The following NKAIN2 variants were observed in gnomAD, a reference collection of about 807,000 sequenced individuals.
NKAIN2 encodes sodium/potassium transporting ATPase interacting 2.
A neutral mutation model predicts 32.6 loss-of-function variants in NKAIN2; 14 were observed. That is an observed-to-expected ratio of 0.43 (90% CI 0.28 to 0.67). NKAIN2 has a LOEUF of 0.67. Ranked by LOEUF, NKAIN2 falls within the 30% of genes least tolerant of loss-of-function variation. The probability of loss-of-function intolerance (pLI) is 0.17; values close to 1 mark genes in which losing one functional copy is unlikely to be tolerated. For missense variants in NKAIN2, 198 were observed against 258.3 expected, an observed-to-expected ratio of 0.77 and a Z score of 1.60; for synonymous variants, 80 against 87.2, an observed-to-expected ratio of 0.92 and a Z score of 0.46.
rs150606552 is a variant in NKAIN2 at position 124,625,857 on chromosome 6, G to A, written c.274-32329G>A. On this transcript the variant is annotated intron_variant, in intron 3 of 6. Transcript: ENST00000368417. ...ATGCCAGAGTCAAACAGTGTGTTTC[G>A]TTCCAAAGCTTCTACTCTTTCTCCT... Among the ~76,000 whole-genome samples, 46 of 151,418 alleles carry A rather than the reference G, an allele frequency of 3.0e-4. No homozygotes were observed. In the East Asian group the frequency reaches 7.1e-3, roughly 23 times the overall value.
chr6:123,900,549 T>TG, intron 1 of NKAIN2, among the ~76,000 whole-genome samples: 1 of 103,304 alleles, frequency 9.7e-6, no homozygotes, highest in South Asian at 3.3e-4. Context: ...TTTTTTTTTT[T>TG]TTTTTTTTTT....
At chr6:124,461,928 AAAAG>A (rs1270061619) in intron 3 of NKAIN2, among the ~76,000 whole-genome samples, 5 of 151,710 alleles carry the variant, frequency 3.3e-5, no homozygotes, top group African/African-American at 1.2e-4. Context: ...AAAAAAAAAG[AAAAG>A]AAGAATAGTG....
At chr6:123,905,249 TCC>T (rs1330417613) in intron 1 of NKAIN2, among the ~76,000 whole-genome samples, 1 of 151,880 alleles carries the variant, frequency 6.6e-6, no homozygotes, top group Non-Finnish European at 1.5e-5. Flanking sequence ...CAAAACGAAC[TCC>T]CTTGTCCCTC....
intron 3 of NKAIN2, among the ~76,000 whole-genome samples, chr6:124,410,646 G>A (rs1189097389): frequency 6.6e-6 from 1 of 152,176 alleles, no homozygotes; most frequent in African/African-American, 2.4e-5. Flanking sequence ...TACATGTGGT[G>A]TGGTGCTGAA....
At chr6:124,567,672 G>T (rs1424753205) in intron 3 of NKAIN2, among the ~76,000 whole-genome samples, 1 of 152,218 alleles carries the variant, frequency 6.6e-6, no homozygotes, top group Non-Finnish European at 1.5e-5. Flanking sequence ...ATCACTCATG[G>T]TCTGCTGGTT....
intron 1 of NKAIN2, among the ~76,000 whole-genome samples, chr6:123,861,870 G>A (rs6908452): frequency 6.6e-6 from 1 of 151,638 alleles, no homozygotes; most frequent in African/African-American, 2.4e-5. Flanking sequence ...GTATCAAAAT[G>A]TTATTTGTAC....
At chr6:123,906,944 A>G (rs1185033977) in intron 1 of NKAIN2, among the ~76,000 whole-genome samples, 2 of 152,230 alleles carry the variant, frequency 1.3e-5, no homozygotes, top group Admixed American at 6.5e-5. Flanking sequence ...CAAATTTTCA[A>G]ATGACTCAAA....
At chr6:124,301,456 G>T (rs1280402034) in intron 2 of NKAIN2, among the ~76,000 whole-genome samples, 1 of 152,166 alleles carries the variant, frequency 6.6e-6, no homozygotes, top group African/African-American at 2.4e-5. Context: ...CTGCCTAGTG[G>T]AGCTGTGAGA....
In NKAIN2 at chr6:124,657,888, C is replaced by A. The variant is rs1043146450; in HGVS notation, c.274-298C>A. ...GGGAAAGACCCTTGAAAGGTAAAGACTCTTCAGTGTTACAATGAATATAAA... is the reference window on the plus strand; with the variant it reads ...GGGAAAGACCCTTGAAAGGTAAAGAATCTTCAGTGTTACAATGAATATAAA... On this transcript the variant is annotated intron_variant, in intron 3 of 6. Coordinates refer to ENST00000368417, the MANE Select transcript of NKAIN2 (RefSeq NM_001040214.3). Among the ~76,000 whole-genome samples, 7 of 152,056 alleles carry A rather than the reference C, an allele frequency of 4.6e-5. 1 individual carries two copies. The highest frequency in any genetic ancestry group is 4.6e-4 in the Admixed American group (7 of 15,260).
intron 1 of NKAIN2, among the ~76,000 whole-genome samples, chr6:124,223,793 A>T (rs1791958610): frequency 6.6e-6 from 1 of 152,180 alleles, no homozygotes; most frequent in Non-Finnish European, 1.5e-5. Flanking sequence ...ATTTGCTTCC[A>T]GTGAGTCATC....
intron 3 of NKAIN2, among the ~76,000 whole-genome samples, chr6:124,632,007 A>T (rs2114311993): frequency 6.6e-6 from 1 of 152,256 alleles, no homozygotes; most frequent in East Asian, 1.9e-4. Context: ...TTACTTTATT[A>T]TTTCTTCATT....
chr6:124,305,182 T>G (rs1466078052), intron 2 of NKAIN2, among the ~76,000 whole-genome samples: 1 of 152,208 alleles, frequency 6.6e-6, no homozygotes, highest in Non-Finnish European at 1.5e-5. Flanking sequence ...TTTAGAGAGA[T>G]ATTCCCATCA....
intron 3 of NKAIN2, among the ~76,000 whole-genome samples, chr6:124,411,407 T>C (rs1774174974): frequency 6.6e-6 from 1 of 152,170 alleles, no homozygotes; most frequent in African/African-American, 2.4e-5. Context: ...CATTTGCTTG[T>C]CTGTAAAGTA....
intron 3 of NKAIN2, among the ~76,000 whole-genome samples, chr6:124,450,852 A>C (rs959432113): frequency 1.3e-5 from 2 of 152,012 alleles, no homozygotes; most frequent in African/African-American, 4.8e-5. Context: ...TTTTTTTAAA[A>C]ATTTGAACTC....
intron 3 of NKAIN2, among the ~76,000 whole-genome samples, chr6:124,375,055 T>C (rs1237018503): frequency 3.9e-5 from 6 of 152,034 alleles, no homozygotes; most frequent in Non-Finnish European, 8.8e-5. Context: ...TTTTTGGTGT[T>C]ATTCCATCTG....
chr6:124,264,646 G>A (rs1331500699), intron 1 of NKAIN2, among the ~76,000 whole-genome samples: 1 of 152,140 alleles, frequency 6.6e-6, no homozygotes, highest in Non-Finnish European at 1.5e-5. Flanking sequence ...CTACTCAGTA[G>A]CTGTAGAAAA....
intron 4 of NKAIN2, among the ~76,000 whole-genome samples, chr6:124,754,306 A>T (rs1365272142): frequency 2.0e-5 from 3 of 152,120 alleles, no homozygotes; most frequent in Non-Finnish European, 4.4e-5. Context: ...TGGTACACTG[A>T]ATTCCTTGTC....
chr6:124,054,061 T>C (rs1184550788), intron 1 of NKAIN2, among the ~76,000 whole-genome samples: 1 of 152,106 alleles, frequency 6.6e-6, no homozygotes, highest in Non-Finnish European at 1.5e-5. Flanking sequence ...ATGTATTATC[T>C]ATGTCATCTT....
chr6:124,093,542 C>T (rs1784520375), intron 1 of NKAIN2, among the ~76,000 whole-genome samples: 1 of 152,082 alleles, frequency 6.6e-6, no homozygotes, highest in Admixed American at 6.6e-5. Context: ...TGTTCAAAGA[C>T]AGTTTGGAGT....
Sources: gnomAD v4.1 joint callset for allele counts (sites outside exome capture counted in the v4.1 genomes callset) on GRCh38, gnomAD v4.1.1 for gene constraint, MANE v1.5 for transcripts, NCBI Gene and HGNC (gene_info 2026-07-23, HGNC 2026-07-21) for gene names.